The following GRIK2 variants were observed in gnomAD, a reference collection of about 807,000 sequenced individuals.
The protein encoded by GRIK2 is glutamate receptor ionotropic, kainate 2.
In GRIK2, 32 loss-of-function variants were observed where a neutral mutation model predicts 100.3. The observed-to-expected ratio is 0.32, with a 90% CI of 0.24 to 0.43. GRIK2 has a LOEUF of 0.43. Ranked by LOEUF, GRIK2 falls within the 20% of genes least tolerant of loss-of-function variation. GRIK2 has a pLI of 1.00. For missense variants in GRIK2, 843 were observed against 1,114.9 expected, an observed-to-expected ratio of 0.76 and a Z score of 3.47; for synonymous variants, 417 against 389.4, an observed-to-expected ratio of 1.07 and a Z score of -0.83.
chr6:101,464,493 CTTTCTTTTTTTTTTT>C (rs1771512709), intron 2 of GRIK2, among the ~76,000 whole-genome samples: 1 of 53,900 alleles, frequency 1.9e-5, no homozygotes, highest in African/African-American at 6.0e-5. Context: ...TTTTCTTTTT[CTTTCTTTTTTTTTTT>C]TTTTTTTTTT....
chr6:101,572,421 G>C (rs1356166063), intron 2 of GRIK2, among the ~76,000 whole-genome samples: 1 of 152,042 alleles, frequency 6.6e-6, no homozygotes, highest in Non-Finnish European at 1.5e-5. Flanking sequence ...ATGTTTTACT[G>C]TAAGTGTGCG....
chr6:101,966,221 A>AAAT (rs1368967044), intron 14 of GRIK2, among the ~76,000 whole-genome samples: 2 of 152,194 alleles, frequency 1.3e-5, no homozygotes, highest in Non-Finnish European at 2.9e-5. Context: ...GTATTTTAAC[A>AAAT]AATTGTTTAG....
At chr6:101,992,558 G>T (rs1221868001) in intron 14 of GRIK2, among the ~76,000 whole-genome samples, 3 of 151,576 alleles carry the variant, frequency 2.0e-5, no homozygotes, top group Non-Finnish European at 4.4e-5. Flanking sequence ...CAAACCAACC[G>T]AGGTCAATAG....
chr6:101,876,587 G>T (rs929177934), intron 11 of GRIK2, among the ~76,000 whole-genome samples: 4 of 151,682 alleles, frequency 2.6e-5, no homozygotes, highest in African/African-American at 9.7e-5. Context: ...TGTCACCATT[G>T]TTGGAAGCTT....
At chr6:101,619,552 C>A (rs1267140819) in intron 2 of GRIK2, among the ~76,000 whole-genome samples, 1 of 151,668 alleles carries the variant, frequency 6.6e-6, no homozygotes, top group Non-Finnish European at 1.5e-5. Context: ...TTATTGCATA[C>A]TTTTATTACA....
intron 7 of GRIK2, among the ~76,000 whole-genome samples, chr6:101,772,517 T>C (rs1010944522): frequency 1.3e-5 from 2 of 152,052 alleles, no homozygotes; most frequent in African/African-American, 2.4e-5. Flanking sequence ...AGTTCTAAGA[T>C]GAAGTAAGAA....
chr6:102,038,986 A>G (rs138440100), intron 15 of GRIK2, among the ~76,000 whole-genome samples: 1 of 151,378 alleles, frequency 6.6e-6, no homozygotes, highest in Admixed American at 6.6e-5. Context: ...GGGAAATATT[A>G]TGAGTCTTTT....
At chr6:101,812,110 A>T (rs943536680) in intron 9 of GRIK2, among the ~76,000 whole-genome samples, 2 of 151,648 alleles carry the variant, frequency 1.3e-5, no homozygotes, top group Non-Finnish European at 3.0e-5. Context: ...TAAATATGAT[A>T]TTGAGATAGA....
intron 4 of GRIK2, among the ~76,000 whole-genome samples, chr6:101,656,007 T>C (rs1171548791): frequency 6.6e-6 from 1 of 151,862 alleles, no homozygotes; most frequent in Non-Finnish European, 1.5e-5. Flanking sequence ...AAGTGATAGA[T>C]ATGATAAATG....
chr6:101,881,199 A>G (rs1046568002), intron 11 of GRIK2, among the ~76,000 whole-genome samples: 29 of 152,052 alleles, frequency 1.9e-4, no homozygotes, highest in African/African-American at 6.3e-4. Flanking sequence ...TGATAAATAT[A>G]TAATAACATT....
At chr6:101,991,298 G>T (rs1403236863) in intron 14 of GRIK2, among the ~76,000 whole-genome samples, 1 of 151,006 alleles carries the variant, frequency 6.6e-6, no homozygotes, top group Non-Finnish European at 1.5e-5. Flanking sequence ...GGAAATTTAA[G>T]CTTGAAGAAG....
At chr6:101,782,457 A>G (rs899658355) in intron 7 of GRIK2, among the ~76,000 whole-genome samples, 5 of 152,168 alleles carry the variant, frequency 3.3e-5, no homozygotes, top group African/African-American at 1.2e-4. Context: ...AGAACATGTG[A>G]TCTTACTTTC....
chr6:101,466,421 C>G (rs1254544855), intron 2 of GRIK2, among the ~76,000 whole-genome samples: 2 of 151,728 alleles, frequency 1.3e-5, no homozygotes, highest in Non-Finnish European at 2.9e-5. Flanking sequence ...AGCTGAACAG[C>G]CTTACGAATG....
chr6:101,571,811 A>T (rs1272503499), intron 2 of GRIK2, among the ~76,000 whole-genome samples: 1 of 152,172 alleles, frequency 6.6e-6, no homozygotes, highest in Non-Finnish European at 1.5e-5. Flanking sequence ...TAATAATATA[A>T]AAGTTAAATT....
intron 15 of GRIK2, among the ~76,000 whole-genome samples, chr6:102,036,926 A>C (rs1770302015): frequency 6.6e-6 from 1 of 151,416 alleles, no homozygotes; most frequent in Non-Finnish European, 1.5e-5. Context: ...GTAATATCTA[A>C]TAATGCTGTA....
intron 11 of GRIK2, among the ~76,000 whole-genome samples, chr6:101,882,853 T>C (rs1485889464): frequency 6.6e-6 from 1 of 152,112 alleles, no homozygotes; most frequent in African/African-American, 2.4e-5. Flanking sequence ...TCTTAAACAA[T>C]ACCTAGTGAG....
chr6:101,657,839 A>C (rs979344536), intron 4 of GRIK2, among the ~76,000 whole-genome samples: 32 of 152,114 alleles, frequency 2.1e-4, no homozygotes, highest in African/African-American at 7.7e-4. Flanking sequence ...TAAATAATAG[A>C]GAATGCATAT....
chr6:101,697,340 CGTGTGTGTGT>C (rs63654860), intron 7 of GRIK2, among the ~76,000 whole-genome samples: 24,971 of 146,614 alleles, frequency 0.17, 2,971 homozygotes, highest in African/African-American at 0.35. Flanking sequence ...TTAGGGTGTA[CGTGTGTGTGT>C]GTGTGTGTGT....
At chr6:101,521,777 TC>T (rs1218274589) in intron 2 of GRIK2, among the ~76,000 whole-genome samples, 2 of 151,838 alleles carry the variant, frequency 1.3e-5, no homozygotes, top group African/African-American at 4.8e-5. Flanking sequence ...GTCTGTTCCT[TC>T]CCCCTTATAT....
Sources: gnomAD v4.1 joint callset for allele counts (sites outside exome capture counted in the v4.1 genomes callset) on GRCh38, gnomAD v4.1.1 for gene constraint, MANE v1.5 for transcripts, NCBI Gene and HGNC (gene_info 2026-07-23, HGNC 2026-07-21) for gene names.